PRDM16: variants seen among roughly 807,000 people sequenced by gnomAD.
PRDM16 encodes PR/SET domain 16.
In PRDM16, 23 loss-of-function variants were observed where a neutral mutation model predicts 110.6. That is an observed-to-expected ratio of 0.21 (90% CI 0.15 to 0.29). The LOEUF is 0.29. Ranked by LOEUF, PRDM16 falls within the 10% of genes least tolerant of loss-of-function variation. The pLI is 1.00. For missense variants in PRDM16, 1,615 were observed against 1,794.3 expected, an observed-to-expected ratio of 0.90 and a Z score of 1.81; for synonymous variants, 799 against 781.8, an observed-to-expected ratio of 1.02 and a Z score of -0.37.
intron 10 of PRDM16, among the ~76,000 whole-genome samples, chr1:3,416,753 G>T (rs1028116742): frequency 4.6e-5 from 7 of 152,224 alleles, no homozygotes; most frequent in Admixed American, 6.5e-5. Flanking sequence ...TGGGCCCTGG[G>T]AGCACTGGCC....
In PRDM16 at chr1:3,433,714, C is replaced by T; in HGVS notation, c.3734C>T (p.Pro1245Leu). 6.2e-7 allele frequency: 1 copy of T among 1,614,038 alleles called. No individual in the cohort carries two copies. The highest frequency in any genetic ancestry group is 8.5e-7 in the Non-Finnish European group (1 of 1,179,938). ...AMMLSLSEDT[P>L]LHTPSQGSLD... The stretch of plus-strand genomic sequence containing the variant: ...ATGCTGTCCCTTTCCGAAGACACTC[C>T]TCTCCACACCCCCTCCCAGGGTTCT... The change falls in exon 17 of 17, where the codon CCT (proline) becomes CTT (leucine). Residue 1245 changes from proline (P) to leucine (L), a missense_variant. By Grantham distance (98) the Pro-to-Leu change is moderately conservative (BLOSUM62 -3). Around this residue, in one of 5 missense-constraint regions of PRDM16, gnomAD observed 327 missense variants for 359.3 expected, o/e 0.91. Transcript: ENST00000270722.
chr1:3,435,891 G>A lies in PRDM16; in HGVS notation c.*2080G>A, dbSNP rs928244139. ...TCCCACGCCAGATCTGCACAACGAG[G>A]CAAGACAGGACCCACCTGTGCGTGC... On this transcript the variant is annotated 3_prime_UTR_variant, in exon 17 of 17. Transcript: ENST00000270722. 4.3e-6 allele frequency: 1 copy of A among 232,076 alleles called. No homozygotes were observed. Among genetic ancestry groups the A allele is most frequent in the Non-Finnish European group, 8.5e-6 (1 of 117,260 alleles). The allele number at this position is 232,076 out of a possible 1,614,324, so 14.4% of individuals were successfully genotyped here.
intron 3 of PRDM16, among the ~76,000 whole-genome samples, chr1:3,317,779 TATAGGATTACTCCCTTTTA>T (rs1641645898): frequency 6.6e-6 from 1 of 152,252 alleles, no homozygotes; most frequent in African/African-American, 2.4e-5. Context: ...GCACATTTCT[TATAGGATTACTCCCTTTTA>T]ATAGAGACCC....
rs557707606 is a variant in PRDM16, at chr1:3,276,129, G to C, written c.438+31992G>C. On this transcript the variant is annotated intron_variant, in intron 3 of 16. Transcript: ENST00000270722. The stretch of plus-strand genomic sequence containing the variant: ...GAGTTGAAAGGGCTTCAAGGGGGGA[G>C]AAACCAACTGGAAAGCTGTTTTCTG... Among the ~76,000 whole-genome samples the C allele has an allele frequency of 1.8e-3, 272 of 152,378 alleles. 2 individuals are homozygous for C. Among genetic ancestry groups the C allele is most frequent in the Non-Finnish European group, 3.3e-3 (226 of 68,030 alleles).
chr1:3,126,196 C>A (rs1643202658), intron 1 of PRDM16, among the ~76,000 whole-genome samples: 1 of 152,204 alleles, frequency 6.6e-6, no homozygotes, highest in African/African-American at 2.4e-5. Context: ...CCCGGCCCAG[C>A]TCCCCTGGGC....
chr1:3,294,620 C>A (rs1641046090), intron 3 of PRDM16, among the ~76,000 whole-genome samples: 1 of 152,110 alleles, frequency 6.6e-6, no homozygotes, highest in Middle Eastern at 3.2e-3. Context: ...AGAACAGGAT[C>A]CCGACGGATC....
chr1:3,108,862 T>C (rs986699870), intron 1 of PRDM16, among the ~76,000 whole-genome samples: 1 of 151,002 alleles, frequency 6.6e-6, no homozygotes, highest in East Asian at 1.9e-4. Context: ...TTTAAAATAA[T>C]GTGAAACAGC....
chr1:3,369,498 T>C (rs1349656594), intron 3 of PRDM16, among the ~76,000 whole-genome samples: 1 of 151,542 alleles, frequency 6.6e-6, no homozygotes, highest in Non-Finnish European at 1.5e-5. Context: ...TTCCAGCATC[T>C]CCGTTCTTCC....
intron 1 of PRDM16, among the ~76,000 whole-genome samples, chr1:3,120,387 A>C (rs997017540): frequency 6.6e-6 from 1 of 152,030 alleles, no homozygotes; most frequent in Admixed American, 6.5e-5. Flanking sequence ...GTTTGGCCCA[A>C]GGCCCGGTGA....
At chr1:3,124,185 G>A (rs1643155574) in intron 1 of PRDM16, among the ~76,000 whole-genome samples, 1 of 152,186 alleles carries the variant, frequency 6.6e-6, no homozygotes, top group African/African-American at 2.4e-5. Flanking sequence ...CTGGAGTCCT[G>A]GGGGTCCTGT....
intron 3 of PRDM16, among the ~76,000 whole-genome samples, chr1:3,337,621 G>C (rs781140545): frequency 4.0e-4 from 61 of 152,204 alleles, no homozygotes; most frequent in Non-Finnish European, 7.5e-4. Context: ...TGGCCACTGC[G>C]GGGCCAGCCC....
chr1:3,398,179 T>C lies in PRDM16; in HGVS notation c.676+1586T>C, dbSNP rs1007189409. 5.9e-5 allele frequency among the ~76,000 whole-genome samples: 9 copies of C among 152,320 alleles called. No homozygotes were observed. In the South Asian group the frequency reaches 6.2e-4, roughly 11 times the overall value. On this transcript the variant is annotated intron_variant, in intron 5 of 16. Transcript: ENST00000270722. ...TTGACTTAAGGAGAGTGCTTGACTA[T>C]GGAATTTCATTTGTACGATGAAATT... is the stretch of plus-strand genomic sequence containing the variant.
chr1:3,274,003 A>C (rs946308140), intron 3 of PRDM16, among the ~76,000 whole-genome samples: 18 of 147,468 alleles, frequency 1.2e-4, no homozygotes, highest in African/African-American at 4.1e-4. Context: ...AAAAAAAGCC[A>C]CTGAAAGGGA....
At chr1:3,172,512 C>T (rs1209788089) in intron 1 of PRDM16, among the ~76,000 whole-genome samples, 4 of 152,218 alleles carry the variant, frequency 2.6e-5, no homozygotes, top group Non-Finnish European at 4.4e-5. Context: ...CCCACAGTGG[C>T]GTGTGCTTCA....
At chr1:3,282,042 T>A (rs554176248) in intron 3 of PRDM16, among the ~76,000 whole-genome samples, 10 of 152,328 alleles carry the variant, frequency 6.6e-5, no homozygotes, top group African/African-American at 2.4e-4. Context: ...GTCAAACATG[T>A]GACCTGAACT....
chr1:3,202,307 C>T (rs1365897210), intron 2 of PRDM16, among the ~76,000 whole-genome samples: 2 of 149,616 alleles, frequency 1.3e-5, no homozygotes, highest in African/African-American at 2.5e-5. Context: ...CTGCTTCCCC[C>T]ATCTTCAGGG....
intron 3 of PRDM16, among the ~76,000 whole-genome samples, chr1:3,374,688 C>T (rs1017909038): frequency 4.6e-5 from 7 of 152,214 alleles, no homozygotes; most frequent in Non-Finnish European, 1.0e-4. Flanking sequence ...TTCTCTAAGG[C>T]AGAGCGCACA....
intron 1 of PRDM16, among the ~76,000 whole-genome samples, chr1:3,137,850 G>A (rs760681217): frequency 1.1e-4 from 17 of 152,222 alleles, no homozygotes; most frequent in Non-Finnish European, 1.9e-4. Flanking sequence ...CTGACCTCAC[G>A]AGCCAGGTCC....
At chr1:3,224,521 C>G (rs1438848724) in intron 2 of PRDM16, among the ~76,000 whole-genome samples, 4 of 152,196 alleles carry the variant, frequency 2.6e-5, no homozygotes, top group African/African-American at 9.7e-5. Context: ...CCCACAGCCA[C>G]TCTCTCTCCC....
Sources: allele counts gnomAD v4.1 joint callset (sites outside exome capture counted in the v4.1 genomes callset), GRCh38; gene constraint gnomAD v4.1.1; regional missense constraint gnomAD v4.1.1; transcripts MANE v1.5; gene names NCBI Gene and HGNC (gene_info 2026-07-23, HGNC 2026-07-21).